TTC28: variants seen among roughly 807,000 people sequenced by gnomAD.
TTC28 encodes tetratricopeptide repeat domain 28, also known as tetratricopeptide repeat protein 28.
In TTC28, 61 loss-of-function variants were observed where a neutral mutation model predicts 198.0. That is an observed-to-expected ratio of 0.31 (90% CI 0.25 to 0.38). The LOEUF (loss-of-function observed/expected upper bound fraction) is 0.38, where lower values mean the gene tolerates loss of function less well. Ranked by LOEUF, TTC28 falls within the 10% of genes least tolerant of loss-of-function variation. The pLI, the probability that TTC28 is intolerant of heterozygous loss-of-function variation, is 1.00. For synonymous variants in TTC28, 1,171 were observed against 1,297.8 expected (o/e 0.90, Z 2.10); for missense variants, 2,678 against 3,164.0 (o/e 0.85, Z 3.69).
intron 13 of TTC28, chr22:28,028,984 A>T (rs570954821): frequency 2.8e-5 from 13 of 470,990 alleles, no homozygotes; most frequent in South Asian, 1.9e-4. Context: ...AGCTCTTCAC[A>T]CTCTAGTTTA....
intron 2 of TTC28, among the ~76,000 whole-genome samples, chr22:28,515,447 A>G (rs2048767476): frequency 6.6e-6 from 1 of 152,250 alleles, no homozygotes; most frequent in East Asian, 1.9e-4. Context: ...GTGGGCATAT[A>G]GGAAAACCAA....
At chr22:28,456,440 T>C (rs547773577) in intron 2 of TTC28, among the ~76,000 whole-genome samples, 8 of 152,320 alleles carry the variant, frequency 5.3e-5, no homozygotes, top group Middle Eastern at 3.4e-3. Context: ...AAAAAGTGAA[T>C]TGTAACTAAA....
intron 5 of TTC28, among the ~76,000 whole-genome samples, chr22:28,216,785 G>C (rs1034677874): frequency 3.3e-5 from 5 of 152,088 alleles, no homozygotes; most frequent in African/African-American, 1.2e-4. Flanking sequence ...ACAGTGGTGT[G>C]ATCACATCTT....
intron 12 of TTC28, among the ~76,000 whole-genome samples, chr22:28,078,826 G>C (rs117640158): frequency 1.3e-5 from 2 of 152,146 alleles, no homozygotes; most frequent in Non-Finnish European, 2.9e-5. Context: ...CTTCTGAAAG[G>C]CTTTTCAGAG....
At chr22:28,409,540 T>C (rs988391124) in intron 2 of TTC28, among the ~76,000 whole-genome samples, 1 of 150,444 alleles carries the variant, frequency 6.6e-6, no homozygotes, top group Non-Finnish European at 1.5e-5. Context: ...ATATATTATA[T>C]ATACATATGT....
intron 2 of TTC28, among the ~76,000 whole-genome samples, chr22:28,394,060 A>G (rs192934916): frequency 6.6e-6 from 1 of 152,194 alleles, no homozygotes; most frequent in Admixed American, 6.5e-5. Context: ...ATAGCTCCAC[A>G]TTTATACAAG....
At chr22:28,318,363 C>T (rs2045386314) in intron 2 of TTC28, among the ~76,000 whole-genome samples, 2 of 152,128 alleles carry the variant, frequency 1.3e-5, no homozygotes, top group Admixed American at 6.5e-5. Flanking sequence ...TCTTGGTGCA[C>T]TTTCTGTTTG....
chr22:28,337,202 A>C (rs1003731563), intron 2 of TTC28, among the ~76,000 whole-genome samples: 3 of 152,106 alleles, frequency 2.0e-5, no homozygotes, highest in Non-Finnish European at 4.4e-5. Flanking sequence ...GTGGTCTGAG[A>C]GATAGTTTGT....
At chr22:28,524,332 C>T (rs988713899) in intron 2 of TTC28, among the ~76,000 whole-genome samples, 7 of 151,668 alleles carry the variant, frequency 4.6e-5, no homozygotes, top group South Asian at 2.1e-4. Context: ...TGGTGGCGGG[C>T]GCCTGTAGTC....
chr22:28,292,821 A>G (rs930642231), intron 5 of TTC28, among the ~76,000 whole-genome samples: 1 of 152,144 alleles, frequency 6.6e-6, no homozygotes, highest in Non-Finnish European at 1.5e-5. Flanking sequence ...CTTGCCTCAA[A>G]AAGAAAGTAA....
intron 12 of TTC28, among the ~76,000 whole-genome samples, chr22:28,035,175 T>C (rs989762523): frequency 3.9e-5 from 6 of 152,132 alleles, no homozygotes; most frequent in Admixed American, 1.3e-4. Flanking sequence ...ACTCACTGTG[T>C]CTCCATTCCC....
chr22:28,086,504 G>A (rs149659189), intron 12 of TTC28, among the ~76,000 whole-genome samples: 11,768 of 152,082 alleles, frequency 0.077, 513 homozygotes, highest in South Asian at 0.089. Context: ...TCTGGGACAC[G>A]TTCAAAGCAG....
chr22:28,318,905 AC>A (rs1450407421), intron 2 of TTC28, among the ~76,000 whole-genome samples: 1 of 130,992 alleles, frequency 7.6e-6, no homozygotes, highest in Non-Finnish European at 1.5e-5. Context: ...GAAAGCCTTG[AC>A]CTCCTGGGCT....
At chr22:28,559,380 C>T (rs1324024308) in intron 2 of TTC28, among the ~76,000 whole-genome samples, 2 of 152,286 alleles carry the variant, frequency 1.3e-5, no homozygotes, top group African/African-American at 2.4e-5. Context: ...TTTTTATTTA[C>T]TCATTCGAGT....
At chr22:28,328,956 T>C (rs1435718928) in intron 2 of TTC28, among the ~76,000 whole-genome samples, 2 of 151,524 alleles carry the variant, frequency 1.3e-5, no homozygotes, top group Non-Finnish European at 1.5e-5. Flanking sequence ...AAGAATGGCA[T>C]GAGATGAGTC....
intron 5 of TTC28, among the ~76,000 whole-genome samples, chr22:28,178,987 G>C (rs1447830385): frequency 6.6e-6 from 1 of 152,096 alleles, no homozygotes; most frequent in Admixed American, 6.5e-5. Context: ...AACCACAAAA[G>C]GTTTAAGTGG....
intron 6 of TTC28, among the ~76,000 whole-genome samples, chr22:28,111,080 A>G (rs1456539887): frequency 1.3e-5 from 2 of 152,206 alleles, no homozygotes; most frequent in East Asian, 3.8e-4. Context: ...TTAAACATAT[A>G]GCATAAAATG....
chr22:28,392,160 C>T (rs1214860307), intron 2 of TTC28, among the ~76,000 whole-genome samples: 1 of 152,212 alleles, frequency 6.6e-6, no homozygotes, highest in East Asian at 1.9e-4. Flanking sequence ...GCTCGGGGGT[C>T]AGGGGTCAGG....
At chr22:28,541,768 T>A (rs1179034166) in intron 2 of TTC28, among the ~76,000 whole-genome samples, 2 of 151,904 alleles carry the variant, frequency 1.3e-5, no homozygotes, top group East Asian at 1.9e-4. Context: ...CTTCTAGAGA[T>A]GAAAAATACA....
Sources: gnomAD v4.1 joint callset for allele counts (sites outside exome capture counted in the v4.1 genomes callset) on GRCh38, gnomAD v4.1.1 for gene constraint, MANE v1.5 for transcripts, NCBI Gene and HGNC (gene_info 2026-07-23, HGNC 2026-07-21) for gene names.